CSTF3: variants seen among roughly 807,000 people sequenced by gnomAD.
CSTF3 encodes the protein cleavage stimulation factor subunit 3.
CSTF3 carries 29 observed loss-of-function variants against 105.8 expected under a neutral mutation model. The ratio of observed to expected loss-of-function variants is 0.27; its 90% CI spans 0.20 to 0.37. CSTF3 has a LOEUF of 0.37. Ranked by LOEUF, CSTF3 falls within the 10% of genes least tolerant of loss-of-function variation. The pLI, the probability that CSTF3 is intolerant of heterozygous loss-of-function variation, is 1.00. For synonymous variants in CSTF3, 252 were observed against 281.9 expected, an observed-to-expected ratio of 0.89 and a Z score of 1.06; for missense variants, 357 against 879.3, an observed-to-expected ratio of 0.41 and a Z score of 7.51.
At chr11:33,130,443 A>G (rs1565013465) in intron 3 of CSTF3, among the ~76,000 whole-genome samples, 1 of 152,226 alleles carries the variant, frequency 6.6e-6, no homozygotes, top group Non-Finnish European at 1.5e-5. Context: ...ACTACACTCC[A>G]GCCTGGGCAA....
At chr11:33,129,570 A>G (rs1855577746) in intron 3 of CSTF3, among the ~76,000 whole-genome samples, 1 of 152,234 alleles carries the variant, frequency 6.6e-6, no homozygotes, top group South Asian at 2.1e-4. Context: ...ACTATAATCC[A>G]GGCAAATACG....
chr11:33,139,631 C>G (rs1855688931), intron 3 of CSTF3, among the ~76,000 whole-genome samples: 1 of 151,804 alleles, frequency 6.6e-6, no homozygotes. Flanking sequence ...TTTCTAAAAC[C>G]AGCATTCAAT....
chr11:33,111,906 A>G (rs956157108), intron 3 of CSTF3, among the ~76,000 whole-genome samples: 5 of 152,226 alleles, frequency 3.3e-5, no homozygotes, highest in Non-Finnish European at 1.5e-5. Flanking sequence ...TGGCCTTACC[A>G]CAATAGCTAT....
At chr11:33,091,734 A>T (rs1440252042) in intron 16 of CSTF3, among the ~76,000 whole-genome samples, 1 of 152,126 alleles carries the variant, frequency 6.6e-6, no homozygotes, top group Non-Finnish European at 1.5e-5. Flanking sequence ...GTTGAGACAG[A>T]GTCTCACTCT....
chr11:33,103,048 C>T, intron 9 of CSTF3, 59 bp downstream of exon 9: 1 of 1,100,236 alleles, frequency 9.1e-7, no homozygotes, highest in Non-Finnish European at 1.3e-6. Context: ...ACAGGGAAAG[C>T]TCTGCTGTAA....
chr11:33,088,015 G>A (rs981028813), intron 17 of CSTF3, among the ~76,000 whole-genome samples: 14 of 152,046 alleles, frequency 9.2e-5, no homozygotes, highest in East Asian at 3.8e-4. Flanking sequence ...CCTTTTTGCC[G>A]CCATCAAGGG....
In CSTF3 at chr11:33,085,096, C is replaced by T. The variant is rs757503135; in HGVS notation, c.2145G>A (p.Arg715=). The T allele has an allele frequency of 6.2e-7, 1 of 1,614,192 alleles. No individual in the cohort carries two copies. The highest frequency in any genetic ancestry group is 1.1e-5 in the South Asian group (1 of 91,086). Residue 715 remains arginine, a synonymous_variant, in exon 21 of 21, where the codon CGG becomes CGA. Coordinates refer to ENST00000323959, the MANE Select transcript of CSTF3 (RefSeq NM_001326.3). ...HDIYRARQQK[R]IR is the part of the protein sequence containing the mutation. The stretch of plus-strand genomic sequence containing the variant: ...AGAGGCGTTTAAAACCCTACCGAAT[C>T]CGCTTCTGCTGCCGTGCTCTGTAAA...
At chr11:33,090,425 T>C in intron 17 of CSTF3, 107 bp downstream of exon 17, 1 of 697,540 alleles carries the variant, frequency 1.4e-6, no homozygotes, top group East Asian at 3.1e-5. Context: ...GCAAATCTAT[T>C]CTAAAACTAG....
At chr11:33,134,958 A>G (rs960398428) in intron 3 of CSTF3, among the ~76,000 whole-genome samples, 2 of 152,182 alleles carry the variant, frequency 1.3e-5, no homozygotes, top group Non-Finnish European at 2.9e-5. Flanking sequence ...TAAACCAAAA[A>G]TAAATACCAA....
At chr11:33,161,162 C>G in intron 1 of CSTF3, 137 bp downstream of exon 1, 2 of 809,648 alleles carry the variant, frequency 2.5e-6, no homozygotes, top group East Asian at 2.8e-5. Flanking sequence ...GCTCCCCATT[C>G]CCACCACTCT....
At chr11:33,134,431 C>T (rs1397315068) in intron 3 of CSTF3, 1 of 152,164 alleles carries the variant, frequency 6.6e-6, no homozygotes, top group Non-Finnish European at 1.5e-5. Flanking sequence ...TCTCTTCATA[C>T]ACGATAGCCA....
chr11:33,135,615 G>C (rs1238697637), intron 3 of CSTF3, among the ~76,000 whole-genome samples: 2 of 152,070 alleles, frequency 1.3e-5, no homozygotes, highest in Non-Finnish European at 2.9e-5. Flanking sequence ...AAATGAGGGG[G>C]CTAAACTAAT....
Position 33,100,745 on chromosome 11 carries a change from C to G in CSTF3, c.827-1028G>C, listed in dbSNP as rs576550729. Among the ~76,000 whole-genome samples, 5 of 152,196 alleles carry G rather than the reference C, an allele frequency of 3.3e-5. No homozygotes were observed. In the East Asian group the frequency reaches 9.6e-4, roughly 29 times the overall value. On this transcript the variant is annotated intron_variant, in intron 10 of 20. Transcript: ENST00000323959. ...AAGGAACTGACATCTAGCACAACAC[C>G]TGAAGAAGGGATGAAGCTGGTCAGA...
In CSTF3 at chr11:33,085,260, C is replaced by T. The variant is rs774690642; in HGVS notation, c.1981G>A (p.Gly661Ser). Residue 661 changes from glycine to serine, a missense_variant, in exon 21 of 21, where the codon GGT becomes AGT. This residue lies in a region of CSTF3 where 73 missense variants were observed against 105.8 expected (regional missense o/e 0.69). Transcript: ENST00000323959. ...TVEEAVRIIT[G>S]GAPELAVEGN... ...TCTACAGCTAGCTCTGGGGCCCCACCAGTAATGATCCTCACAGCTTCCTCA... is the reference window on the plus strand; with the variant it reads ...TCTACAGCTAGCTCTGGGGCCCCACTAGTAATGATCCTCACAGCTTCCTCA... The T allele has an allele frequency of 6.4e-7, 1 of 1,559,066 alleles. No homozygotes were observed. The highest frequency in any genetic ancestry group is 1.2e-5 in the South Asian group (1 of 82,562).
At chr11:33,154,590 G>C (rs1346612357) in intron 1 of CSTF3, among the ~76,000 whole-genome samples, 1 of 145,072 alleles carries the variant, frequency 6.9e-6, no homozygotes, top group Non-Finnish European at 1.5e-5. Context: ...TCCGACTCCC[G>C]GGTTCAAGTG....
chr11:33,091,045 T>C (rs1641249256), intron 16 of CSTF3, among the ~76,000 whole-genome samples: 1 of 152,194 alleles, frequency 6.6e-6, no homozygotes, highest in Non-Finnish European at 1.5e-5. Flanking sequence ...GCTGCTTCTT[T>C]GTGGTCAACA....
At chr11:33,142,808 T>TG (rs1169717782) in intron 1 of CSTF3, among the ~76,000 whole-genome samples, 3 of 152,246 alleles carry the variant, frequency 2.0e-5, no homozygotes, top group African/African-American at 7.2e-5. Flanking sequence ...ATCCATTCAA[T>TG]GTTTGACTTT....
intron 1 of CSTF3, among the ~76,000 whole-genome samples, chr11:33,156,526 C>T (rs1255742374): frequency 6.6e-6 from 1 of 152,162 alleles, no homozygotes; most frequent in Non-Finnish European, 1.5e-5. Context: ...TTATTTTTCA[C>T]TAAAAACACG....
At chr11:33,094,037 T>C (rs1226759035) in intron 15 of CSTF3, among the ~76,000 whole-genome samples, 1 of 152,212 alleles carries the variant, frequency 6.6e-6, no homozygotes, top group Non-Finnish European at 1.5e-5. Flanking sequence ...GCTCAATACC[T>C]AATAGTCTAG....
Sources: gnomAD v4.1 joint callset for allele counts (sites outside exome capture counted in the v4.1 genomes callset) on GRCh38, gnomAD v4.1.1 for gene constraint, gnomAD v4.1.1 regional missense constraint, MANE v1.5 for transcripts, NCBI Gene and HGNC (gene_info 2026-07-23, HGNC 2026-07-21) for gene names.